SHANK2: variants seen among roughly 807,000 people sequenced by gnomAD.
SHANK2 encodes SH3 and multiple ankyrin repeat domains 2.
A neutral mutation model predicts 133.7 loss-of-function variants in SHANK2; 43 were observed. That is an observed-to-expected ratio of 0.32 (90% CI 0.25 to 0.41). The LOEUF (loss-of-function observed/expected upper bound fraction) is 0.41, where lower values mean the gene tolerates loss of function less well. Among genes scored for constraint, SHANK2 ranks in the 10% least tolerant of loss-of-function variants. The pLI, the probability that SHANK2 is intolerant of heterozygous loss-of-function variation, is 1.00. For synonymous variants in SHANK2, 1,017 were observed against 952.8 expected, an observed-to-expected ratio of 1.07 and a Z score of -1.24; for missense variants, 1,994 against 2,235.8, an observed-to-expected ratio of 0.89 and a Z score of 2.18.
intron 17 of SHANK2, among the ~76,000 whole-genome samples, chr11:70,590,032 G>A (rs1591618784): frequency 6.6e-6 from 1 of 152,318 alleles, no homozygotes; most frequent in Non-Finnish European, 1.5e-5. Flanking sequence ...GCGGGCGCCT[G>A]TAGTTCCAGC....
At chr11:70,661,807 T>C in intron 15 of SHANK2, 129 bp from the exon 16 acceptor site, 4 of 1,612,008 alleles carry the variant, frequency 2.5e-6, no homozygotes, top group South Asian at 1.1e-5. Context: ...CCAGGCAGCA[T>C]GGAGGAAAGG....
intron 17 of SHANK2, among the ~76,000 whole-genome samples, chr11:70,636,808 G>C (rs193078782): frequency 6.6e-6 from 1 of 152,150 alleles, no homozygotes; most frequent in Non-Finnish European, 1.5e-5. Context: ...GTGTGAACAT[G>C]TGTGTGGGCA....
At chr11:71,217,014 T>C (rs1173976888) in intron 2 of SHANK2, among the ~76,000 whole-genome samples, 2 of 151,876 alleles carry the variant, frequency 1.3e-5, no homozygotes, top group African/African-American at 4.8e-5. Context: ...CTGGCCAACA[T>C]GGTGAAACCC....
chr11:71,080,110 G>A (rs1446759643), intron 8 of SHANK2, among the ~76,000 whole-genome samples: 3 of 152,176 alleles, frequency 2.0e-5, no homozygotes, highest in Non-Finnish European at 4.4e-5. Flanking sequence ...TGTTGAGACA[G>A]CTGAGAGGGT....
At chr11:71,239,987 A>G (rs1954868663) in intron 1 of SHANK2, among the ~76,000 whole-genome samples, 1 of 152,186 alleles carries the variant, frequency 6.6e-6, no homozygotes, top group Non-Finnish European at 1.5e-5. Context: ...CAGTGGCCAG[A>G]AAGCCGTCTG....
Position 70,470,467 on chromosome 11 carries a change from GT to G in SHANK2, c.*2401del, listed in dbSNP as rs1173490500. 6.6e-6 allele frequency: 1 copy of G among 152,558 alleles called. No homozygotes were observed. The highest frequency in any genetic ancestry group is 1.9e-4 in the East Asian group (1 of 5,198). 9.5% of individuals were successfully genotyped at this position (152,558 alleles called of 1,614,324 possible). A position where few individuals can be genotyped will look rare whatever the true frequency, so the allele number is the denominator to read the frequency against. ...GTTTCCTTGACTCTCCTTTGAGCTAGTGTTTTGCCTGGCACTGAGCACAGAG... is the reference window on the plus strand; with the variant it reads ...GTTTCCTTGACTCTCCTTTGAGCTAGGTTTTGCCTGGCACTGAGCACAGAG... On this transcript the variant is annotated 3_prime_UTR_variant, in exon 26 of 26. Coordinates refer to ENST00000601538, the MANE Select transcript of SHANK2 (RefSeq NM_012309.5).
At chr11:70,810,599 G>A (rs1245166498) in intron 12 of SHANK2, among the ~76,000 whole-genome samples, 1 of 152,260 alleles carries the variant, frequency 6.6e-6, no homozygotes, top group Non-Finnish European at 1.5e-5. Context: ...CATGGGCTCT[G>A]TGGACGGCCT....
intron 2 of SHANK2, among the ~76,000 whole-genome samples, chr11:71,181,975 G>A (rs1011166487): frequency 1.3e-5 from 2 of 152,152 alleles, no homozygotes; most frequent in Non-Finnish European, 2.9e-5. Context: ...GAGGGGCAGC[G>A]CCCTGCAGTA....
At chr11:70,831,723 G>A (rs945831486) in intron 11 of SHANK2, among the ~76,000 whole-genome samples, 3 of 152,226 alleles carry the variant, frequency 2.0e-5, no homozygotes, top group African/African-American at 7.2e-5. Flanking sequence ...CGGGGACGCC[G>A]TACCAGGTGT....
At chr11:70,751,612 A>G (rs1565291410) in intron 14 of SHANK2, among the ~76,000 whole-genome samples, 1 of 152,248 alleles carries the variant, frequency 6.6e-6, no homozygotes, top group Non-Finnish European at 1.5e-5. Context: ...CTTTTAATAG[A>G]CTATACTTCA....
intron 11 of SHANK2, among the ~76,000 whole-genome samples, chr11:70,821,919 C>T (rs1948532975): frequency 6.6e-6 from 1 of 152,188 alleles, no homozygotes; most frequent in African/African-American, 2.4e-5. Flanking sequence ...AAGCTCTAGA[C>T]AGGGCCAGGC....
intron 19 of SHANK2, 107 bp downstream of exon 19, chr11:70,502,099 G>C: frequency 8.1e-6 from 11 of 1,352,836 alleles, no homozygotes; most frequent in Non-Finnish European, 1.1e-5. Context: ...GGGGCAGGAG[G>C]GGGGTAGCGA....
intron 9 of SHANK2, among the ~76,000 whole-genome samples, chr11:71,061,127 G>A (rs1950981530): frequency 6.6e-6 from 1 of 152,264 alleles, no homozygotes; most frequent in Non-Finnish European, 1.5e-5. Flanking sequence ...GGTCAAGACT[G>A]CAGGCCTGCT....
In SHANK2 at chr11:70,698,716, C is replaced by T. The variant is rs1056675166; in HGVS notation, c.1825G>A (p.Gly609Ser). 1 of 718,632 alleles carries T rather than the reference C, an allele frequency of 1.4e-6. No individual in the cohort carries two copies. Among genetic ancestry groups the T allele is most frequent in the South Asian group, 1.5e-5 (1 of 67,600 alleles). 44.5% of individuals were successfully genotyped at this position (718,632 alleles called of 1,614,324 possible). The change falls in exon 15 of 26, where the codon GGC (glycine) becomes AGC (serine). Residue 609 changes from glycine (G) to serine (S), a missense_variant. This residue lies in a region of SHANK2 where 653 missense variants were observed against 563.4 expected (regional missense o/e 1.16). Transcript: ENST00000601538. The stretch of plus-strand genomic sequence containing the variant: ...GAAGTGTCGAAGCTGTCATAGGAGC[C>T]CACGGTGTAGTGCCTGAAAAGCTTC... The part of the protein sequence containing the change: ...SKKLFRHYTV[G>S]SYDSFDTSSD...
At chr11:71,106,715 A>AG (rs1296757657) in intron 6 of SHANK2, among the ~76,000 whole-genome samples, 4 of 151,680 alleles carry the variant, frequency 2.6e-5, no homozygotes, top group African/African-American at 9.7e-5. Flanking sequence ...GCTATTCAAG[A>AG]GGCTGAGGTG....
intron 17 of SHANK2, among the ~76,000 whole-genome samples, chr11:70,605,463 T>C (rs1282594362): frequency 2.0e-5 from 3 of 152,244 alleles, no homozygotes; most frequent in African/African-American, 7.2e-5. Context: ...ACTTGCATTT[T>C]CCTAATGCAG....
intron 6 of SHANK2, among the ~76,000 whole-genome samples, chr11:71,097,759 G>A (rs1194258537): frequency 1.3e-5 from 2 of 152,188 alleles, no homozygotes; most frequent in African/African-American, 4.8e-5. Context: ...GTGGGGTGGG[G>A]GCAGGAGGCA....
intron 10 of SHANK2, among the ~76,000 whole-genome samples, chr11:70,901,629 T>C (rs1373471369): frequency 1.3e-5 from 2 of 152,160 alleles, no homozygotes; most frequent in East Asian, 1.9e-4. Flanking sequence ...GGTACGGCCA[T>C]AATGCAACCT....
At chr11:70,476,499 CAA>C (rs2058666601) in intron 25 of SHANK2, among the ~76,000 whole-genome samples, 1 of 152,134 alleles carries the variant, frequency 6.6e-6, no homozygotes, top group South Asian at 2.1e-4. Flanking sequence ...TCCAGAGTCA[CAA>C]GAGCACAGTT....
Sources: gnomAD v4.1 joint callset for allele counts (sites outside exome capture counted in the v4.1 genomes callset) on GRCh38, gnomAD v4.1.1 for gene constraint, gnomAD v4.1.1 regional missense constraint, MANE v1.5 for transcripts, NCBI Gene and HGNC (gene_info 2026-07-23, HGNC 2026-07-21) for gene names.